Variants in DESI1 observed in about 807,000 individuals in gnomAD.
DESI1 encodes the protein desumoylating isopeptidase 1.
Under a neutral mutation model 22.4 loss-of-function variants are expected in DESI1, and 17 were observed. The observed-to-expected ratio is 0.76, with a 90% confidence interval of 0.52 to 1.14. The LOEUF (loss-of-function observed/expected upper bound fraction) is 1.14, where lower values mean the gene tolerates loss of function less well. Ranked by LOEUF, DESI1 falls within the 50% of genes most tolerant of loss-of-function variation. DESI1 has a pLI of 0.00. For missense variants in DESI1, 177 were observed against 208.9 expected (o/e 0.85, Z 0.94); for synonymous variants, 92 against 84.2 (o/e 1.09, Z -0.51).
At chr22:41,604,907 G>A (rs2147039465) in intron 3 of DESI1, among the ~76,000 whole-genome samples, 1 of 152,168 alleles carries the variant, frequency 6.6e-6, no homozygotes, top group South Asian at 2.1e-4. Flanking sequence ...ATAGTTAGGA[G>A]TCGGACTTCT....
At chr22:41,620,608 A>G (rs1281415911) in intron 1 of DESI1, 144 bp downstream of exon 1, 1 of 768,760 alleles carries the variant, frequency 1.3e-6, no homozygotes, top group Non-Finnish European at 2.1e-6. Flanking sequence ...ACTTCAGACC[A>G]CTCTCTTCTC....
intron 1 of DESI1, among the ~76,000 whole-genome samples, chr22:41,609,307 G>A (rs984764221): frequency 1.3e-5 from 2 of 152,216 alleles, no homozygotes; most frequent in Non-Finnish European, 2.9e-5. Flanking sequence ...CCACTTCCTA[G>A]TGGTGGATCT....
Position 41,600,989 on chromosome 22 carries a change from C to T in DESI1, c.*108G>A. ...TCCCTGGGAAATTTAAAAAGCCGTC[C>T]CCTGGTTGTTAGCTCTGATGTAAAA... On this transcript the variant is annotated 3_prime_UTR_variant, in exon 6 of 6. Transcript: ENST00000263256. The T allele has an allele frequency of 9.6e-7, 1 of 1,041,234 alleles. No individual in the cohort carries two copies. Among genetic ancestry groups the T allele is most frequent in the Non-Finnish European group, 1.4e-6 (1 of 695,146 alleles). 64.5% of individuals were successfully genotyped at this position (1,041,234 alleles called of 1,614,324 possible). A position where few individuals can be genotyped will look rare whatever the true frequency, so the allele number is the denominator to read the frequency against.
intron 4 of DESI1, among the ~76,000 whole-genome samples, chr22:41,603,656 C>A (rs755104186): frequency 2.0e-5 from 3 of 152,194 alleles, no homozygotes; most frequent in Non-Finnish European, 4.4e-5. Context: ...GAGTTTACCC[C>A]CTTACTGAAA....
Position 41,603,307 on chromosome 22 carries a change from C to T in DESI1, c.365G>A (p.Arg122Gln), listed in dbSNP as rs141458228. Residue 122 changes from arginine (R) to glutamine (Q), a missense_variant, in exon 5 of 6, where the codon CGG (arginine) becomes CAG (glutamine). Physicochemically the swap from Arg to Gln is conservative, Grantham distance 43. Coordinates refer to ENST00000263256, the MANE Select transcript of DESI1 (RefSeq NM_015704.3). Reference protein sequence around the residue: ...SNEVAQFLTGRKIPSYITDLP... With the variant: ...SNEVAQFLTGQKIPSYITDLP... ...GTCTGTGATGTAAGAAGGAATCTTC[C>T]GCCCAGTCAGGAACTGTGCCACTTC... The T allele has an allele frequency of 4.7e-5, 76 of 1,614,078 alleles. No homozygotes were observed. The highest frequency in any genetic ancestry group is 1.5e-4 in the African/African-American group (11 of 74,914).
Position 41,607,836 on chromosome 22 carries a change from T to C in DESI1, c.110+4A>G. On this transcript the variant is annotated splice_donor_region_variant and intron_variant, in intron 2 of 5. Coordinates refer to ENST00000263256, the MANE Select transcript of DESI1 (RefSeq NM_015704.3). Reference sequence around the variant, plus strand: ...GTCAAAGTAAGGAGACCCACCCAACTTACCAGATGCCTTCCAGTTGTTTCC... The same window carrying C: ...GTCAAAGTAAGGAGACCCACCCAACCTACCAGATGCCTTCCAGTTGTTTCC... The C allele has an allele frequency of 6.2e-7, 1 of 1,614,182 alleles. No homozygotes were observed. The highest frequency in any genetic ancestry group is 8.5e-7 in the Non-Finnish European group (1 of 1,180,034).
intron 1 of DESI1, among the ~76,000 whole-genome samples, chr22:41,616,478 G>A (rs1290338949): frequency 1.3e-5 from 2 of 149,130 alleles, no homozygotes; most frequent in Non-Finnish European, 2.9e-5. Flanking sequence ...CGAAACTTCT[G>A]ATCAGAAAAT....
At chr22:41,614,927 T>A (rs1370392792) in intron 1 of DESI1, among the ~76,000 whole-genome samples, 1 of 151,110 alleles carries the variant, frequency 6.6e-6, no homozygotes, top group Admixed American at 6.6e-5. Flanking sequence ...AAAAAGTTCC[T>A]TTTCACCTGT....
Position 41,603,324 on chromosome 22 carries a change from T to C in DESI1, c.348A>G (p.Ala116=). 1 of 1,614,252 alleles carries C rather than the reference T, an allele frequency of 6.2e-7. No homozygotes were observed. Among genetic ancestry groups the C allele is most frequent in the Non-Finnish European group, 8.5e-7 (1 of 1,180,054 alleles). ...GAATCTTCCGCCCAGTCAGGAACTG[T>C]GCCACTTCGTTGCTGAAGGTGTTAC... ...HNCNTFSNEV[A]QFLTGRKIPS... The change falls in exon 5 of 6, where the codon GCA becomes GCG. Residue 116 remains alanine (A), a synonymous_variant. Coordinates refer to ENST00000263256, the MANE Select transcript of DESI1 (RefSeq NM_015704.3).
At chr22:41,616,126 C>T (rs1226155328) in intron 1 of DESI1, among the ~76,000 whole-genome samples, 1 of 151,948 alleles carries the variant, frequency 6.6e-6, no homozygotes, top group East Asian at 1.9e-4. Flanking sequence ...GTCTGTAATC[C>T]CAGCTCCTTG....
At chr22:41,604,221 C>T (rs1431806439) in intron 3 of DESI1, 68 bp from the exon 4 acceptor site, 3 of 1,292,144 alleles carry the variant, frequency 2.3e-6, no homozygotes, top group Non-Finnish European at 3.3e-6. Flanking sequence ...TGTGGCTTCC[C>T]ACAGTAGACC....
intron 3 of DESI1, among the ~76,000 whole-genome samples, chr22:41,605,782 T>C (rs749684534): frequency 1.1e-4 from 17 of 152,098 alleles, no homozygotes; most frequent in Non-Finnish European, 2.5e-4. Flanking sequence ...AATTATGAGC[T>C]GCAATTAAGG....
chr22:41,607,399 T>A, intron 2 of DESI1, 68 bp from the exon 3 acceptor site: 1 of 1,462,132 alleles, frequency 6.8e-7, no homozygotes, highest in Non-Finnish European at 9.3e-7. Flanking sequence ...AACACCATAA[T>A]GCAATGAGAG....
At chr22:41,617,084 AT>A (rs1987491335) in intron 1 of DESI1, among the ~76,000 whole-genome samples, 1 of 152,202 alleles carries the variant, frequency 6.6e-6, no homozygotes, top group Admixed American at 6.5e-5. Flanking sequence ...AACTTGAAAC[AT>A]TTGGCAAAGG....
chr22:41,605,968 T>G, intron 3 of DESI1, among the ~76,000 whole-genome samples: 1 of 152,070 alleles, frequency 6.6e-6, no homozygotes, highest in East Asian at 1.9e-4. Flanking sequence ...GGTTTCAATG[T>G]CTACGGTGTG....
chr22:41,615,271 T>C (rs998201901), intron 1 of DESI1, among the ~76,000 whole-genome samples: 1 of 49,792 alleles, frequency 2.0e-5, no homozygotes, highest in African/African-American at 1.2e-4. Context: ...CTACTAAAAA[T>C]TAAAAAAAAA....
intron 3 of DESI1, among the ~76,000 whole-genome samples, chr22:41,606,380 G>A (rs1483829701): frequency 1.3e-5 from 2 of 151,572 alleles, no homozygotes; most frequent in East Asian, 1.9e-4. Flanking sequence ...AATCCTTCCT[G>A]TAGGATGTAG....
At chr22:41,616,554 ACACACACACACAC>A (rs1415838576) in intron 1 of DESI1, among the ~76,000 whole-genome samples, 1 of 151,718 alleles carries the variant, frequency 6.6e-6, no homozygotes, top group East Asian at 1.9e-4. Context: ...ACACACACAC[ACACACACACACAC>A]TTCTGCATGT....
At chr22:41,607,469 G>A in intron 2 of DESI1, 138 bp from the exon 3 acceptor site, 1 of 763,600 alleles carries the variant, frequency 1.3e-6, no homozygotes, top group Non-Finnish European at 2.1e-6. Flanking sequence ...CAAACCAAAG[G>A]TATGAATATG....
Sources: gnomAD v4.1 joint callset for allele counts (sites outside exome capture counted in the v4.1 genomes callset) on GRCh38, gnomAD v4.1.1 for gene constraint, MANE v1.5 for transcripts, NCBI Gene and HGNC (gene_info 2026-07-23, HGNC 2026-07-21) for gene names.